The following SGCZ variants were observed in gnomAD, a reference collection of about 807,000 sequenced individuals.
The protein encoded by SGCZ is zeta-sarcoglycan.
In SGCZ, 40 loss-of-function variants were observed where a neutral mutation model predicts 41.3. That is an observed-to-expected ratio of 0.97 (90% CI 0.75 to 1.26). The LOEUF (loss-of-function observed/expected upper bound fraction) is 1.26, where lower values mean the gene tolerates loss of function less well. Ranked by LOEUF, SGCZ falls within the 50% of genes most tolerant of loss-of-function variation. SGCZ has a pLI of 0.00. For missense variants in SGCZ, 552 were observed against 369.8 expected, an observed-to-expected ratio of 1.49 and a Z score of -4.04; for synonymous variants, 206 against 137.5, an observed-to-expected ratio of 1.50 and a Z score of -3.49.
chr8:15,140,130 C>T (rs1808267748), intron 1 of SGCZ, among the ~76,000 whole-genome samples: 1 of 152,116 alleles, frequency 6.6e-6, no homozygotes, highest in Admixed American at 6.5e-5. Context: ...AGCAACATTC[C>T]TCCTATCTTA....
chr8:15,032,668 AC>A (rs1803718656), intron 1 of SGCZ, among the ~76,000 whole-genome samples: 1 of 151,990 alleles, frequency 6.6e-6, no homozygotes, highest in South Asian at 2.1e-4. Flanking sequence ...CTTAGGACCT[AC>A]CCCATTGCCA....
chr8:14,479,136 C>G (rs1375288350), intron 2 of SGCZ, among the ~76,000 whole-genome samples: 1 of 152,170 alleles, frequency 6.6e-6, no homozygotes, highest in African/African-American at 2.4e-5. Context: ...CATCAGCAAG[C>G]TGAGAAGCAA....
At chr8:14,299,989 A>G (rs767576183) in intron 3 of SGCZ, among the ~76,000 whole-genome samples, 8 of 152,028 alleles carry the variant, frequency 5.3e-5, no homozygotes, top group African/African-American at 1.7e-4. Context: ...AATATACACT[A>G]TGACTGCATT....
intron 1 of SGCZ, among the ~76,000 whole-genome samples, chr8:14,743,069 A>G (rs1791768646): frequency 6.6e-6 from 1 of 152,050 alleles, no homozygotes; most frequent in Non-Finnish European, 1.5e-5. Flanking sequence ...GACTGCGTGG[A>G]TTTTCTTAGA....
intron 1 of SGCZ, among the ~76,000 whole-genome samples, chr8:15,072,749 C>T (rs1445597416): frequency 1.3e-5 from 2 of 152,148 alleles, no homozygotes; most frequent in Non-Finnish European, 2.9e-5. Context: ...ACATTTCATA[C>T]ACTTGATAAT....
At chr8:14,940,030 A>G (rs750805245) in intron 1 of SGCZ, among the ~76,000 whole-genome samples, 2 of 152,154 alleles carry the variant, frequency 1.3e-5, no homozygotes, top group African/African-American at 4.8e-5. Flanking sequence ...GTGACTGTTT[A>G]CAAGTTTTGT....
chr8:14,715,523 G>A (rs904375922), intron 1 of SGCZ, among the ~76,000 whole-genome samples: 1 of 139,592 alleles, frequency 7.2e-6, no homozygotes, highest in South Asian at 2.2e-4. Context: ...AAATTACACA[G>A]ATATCCTCCA....
intron 1 of SGCZ, among the ~76,000 whole-genome samples, chr8:14,728,702 T>C (rs1306836909): frequency 6.6e-6 from 1 of 152,134 alleles, no homozygotes; most frequent in African/African-American, 2.4e-5. Flanking sequence ...AATCATTAGA[T>C]CAAATTTAGC....
chr8:14,459,985 G>T (rs542748043), intron 2 of SGCZ, among the ~76,000 whole-genome samples: 7 of 152,148 alleles, frequency 4.6e-5, no homozygotes, highest in Non-Finnish European at 8.8e-5. Context: ...CAGAACATGG[G>T]GTATGGATTT....
chr8:14,300,914 G>T (rs1441883025), intron 3 of SGCZ, among the ~76,000 whole-genome samples: 1 of 151,896 alleles, frequency 6.6e-6, no homozygotes, highest in African/African-American at 2.4e-5. Context: ...AACAAGAGTA[G>T]ATTTAGAAGA....
intron 1 of SGCZ, among the ~76,000 whole-genome samples, chr8:15,033,336 C>T (rs773208563): frequency 3.3e-5 from 5 of 151,948 alleles, no homozygotes; most frequent in African/African-American, 7.3e-5. Context: ...AGGAAAGCAC[C>T]CATGGCTCCA....
intron 1 of SGCZ, among the ~76,000 whole-genome samples, chr8:15,122,365 T>C (rs1006755753): frequency 1.3e-5 from 2 of 152,164 alleles, no homozygotes; most frequent in Non-Finnish European, 2.9e-5. Flanking sequence ...TTTGATAAGA[T>C]TGCTTTTCAT....
chr8:14,624,976 C>A (rs894593413), intron 1 of SGCZ, among the ~76,000 whole-genome samples: 2 of 152,068 alleles, frequency 1.3e-5, no homozygotes, highest in Admixed American at 1.3e-4. Context: ...TATGGTCATT[C>A]ACCACACATG....
At position 14,660,735 on chromosome 8, in the gene SGCZ, G is replaced by A. The variant is rs114064143; in HGVS notation, c.40-105809C>T. On this transcript the variant is annotated intron_variant, in intron 1 of 7. Transcript: ENST00000382080. ...AGGCAGAACAAAGAGTAAGTAGAAAGGTCTTACTGGGAAAGCTTGGCATTC... is the reference window on the plus strand; with the variant it reads ...AGGCAGAACAAAGAGTAAGTAGAAAAGTCTTACTGGGAAAGCTTGGCATTC... 6.5e-3 allele frequency among the ~76,000 whole-genome samples: 986 copies of A among 152,068 alleles called. 10 individuals carry two copies. The highest frequency in any genetic ancestry group is 0.027 in the Middle Eastern group (8 of 292).
chr8:15,221,111 A>G (rs1279499787), intron 1 of SGCZ, among the ~76,000 whole-genome samples: 1 of 152,180 alleles, frequency 6.6e-6, no homozygotes, highest in East Asian at 1.9e-4. Flanking sequence ...ATGTATACCT[A>G]TGTAACAAAA....
chr8:14,394,188 T>C lies in SGCZ; in HGVS notation c.235-69984A>G, dbSNP rs1426810760. Among the ~76,000 whole-genome samples, 5 of 145,680 alleles carry C rather than the reference T, an allele frequency of 3.4e-5. No individual in the cohort carries two copies. In the East Asian group the frequency reaches 1.0e-3, roughly 30 times the overall value. On this transcript the variant is annotated intron_variant, in intron 2 of 7. Transcript: ENST00000382080. ...TTTTTTGAGATTTAGTCTCACTCTG[T>C]TGCCCAGGCTGGAGTGCAGTGGCAT...
At position 14,543,707 on chromosome 8, in the gene SGCZ, C is replaced by T. The variant is rs77288900; in HGVS notation, c.234+11025G>A. ...CTTGGACTACACTGGTTATTTAGTA[C>T]GGGCAAGGCAAGATCTTTAAAATTA... is the stretch of plus-strand genomic sequence containing the variant. On this transcript the variant is annotated intron_variant, in intron 2 of 7. Coordinates refer to ENST00000382080, the MANE Select transcript of SGCZ (RefSeq NM_139167.4). Among the ~76,000 whole-genome samples, 531 of 152,140 alleles carry T rather than the reference C, an allele frequency of 3.5e-3. 5 individuals are homozygous for T. The highest frequency in any genetic ancestry group is 0.012 in the African/African-American group (494 of 41,518).
chr8:14,645,059 G>A (rs1396928652), intron 1 of SGCZ, among the ~76,000 whole-genome samples: 1 of 151,560 alleles, frequency 6.6e-6, no homozygotes, highest in Non-Finnish European at 1.5e-5. Context: ...TTGAGAAAAG[G>A]CTTAGGAATT....
chr8:14,617,086 G>C (rs1329671776), intron 1 of SGCZ, among the ~76,000 whole-genome samples: 1 of 151,986 alleles, frequency 6.6e-6, no homozygotes, highest in Non-Finnish European at 1.5e-5. Flanking sequence ...ATGAAATATA[G>C]GATAATTGTT....
Sources: gnomAD v4.1 joint callset for allele counts (sites outside exome capture counted in the v4.1 genomes callset) on GRCh38, gnomAD v4.1.1 for gene constraint, MANE v1.5 for transcripts, NCBI Gene and HGNC (gene_info 2026-07-23, HGNC 2026-07-21) for gene names.